The following CLVS1 variants were observed in gnomAD, a reference collection of about 807,000 sequenced individuals.
CLVS1 encodes the protein clavesin 1.
Under a neutral mutation model 33.1 loss-of-function variants are expected in CLVS1, and 10 were observed. That is an observed-to-expected ratio of 0.30 (90% CI 0.19 to 0.51). CLVS1 has a LOEUF of 0.51. Ranked by LOEUF, CLVS1 falls within the 20% of genes least tolerant of loss-of-function variation. The probability of loss-of-function intolerance (pLI) is 0.97; values close to 1 mark genes in which losing one functional copy is unlikely to be tolerated. For synonymous variants in CLVS1, 163 were observed against 166.1 expected, an observed-to-expected ratio of 0.98 and a Z score of 0.14; for missense variants, 343 against 433.4, an observed-to-expected ratio of 0.79 and a Z score of 1.85.
chr8:61,116,091 AT>A (rs1327524973), intron 1 of CLVS1, among the ~76,000 whole-genome samples: 1 of 151,412 alleles, frequency 6.6e-6, no homozygotes, highest in Non-Finnish European at 1.5e-5. Context: ...ATGGTATCTC[AT>A]TGTGGTTTTG....
chr8:61,398,448 C>T (rs547512362), intron 3 of CLVS1, among the ~76,000 whole-genome samples: 11 of 152,246 alleles, frequency 7.2e-5, no homozygotes, highest in African/African-American at 2.4e-4. Flanking sequence ...TCCCAAAGTG[C>T]TGGGATTGCA....
intron 3 of CLVS1, among the ~76,000 whole-genome samples, chr8:61,423,442 G>A (rs928990124): frequency 3.9e-5 from 6 of 152,262 alleles, no homozygotes; most frequent in African/African-American, 9.6e-5. Context: ...AGGACAGGCC[G>A]AGCATAGAAA....
rs551382402 is a variant in CLVS1, at chr8:61,318,137, C to T, written c.455+17855C>T. 6.6e-5 allele frequency among the ~76,000 whole-genome samples: 10 copies of T among 152,288 alleles called. No homozygotes were observed. The South Asian group carries it at 2.1e-3, about 32-fold the overall frequency. ...AAATTAAAATTATTTTCCTTGAACT[C>T]TCTGAAGATGTTAATTAATTGCATT... On this transcript the variant is annotated intron_variant, in intron 2 of 5. Transcript: ENST00000325897.
chr8:61,159,314 C>A (rs1322028411), intron 2 of CLVS1, among the ~76,000 whole-genome samples: 2 of 152,184 alleles, frequency 1.3e-5, no homozygotes, highest in Non-Finnish European at 2.9e-5. Context: ...CTTAACCTAC[C>A]TCATCTGCCT....
chr8:61,287,417 T>C (rs1809809499), upstream of CLVS1, among the ~76,000 whole-genome samples: 1 of 152,226 alleles, frequency 6.6e-6, no homozygotes, highest in African/African-American at 2.4e-5. Context: ...AAAGTGGTAA[T>C]TTGTATTTAC....
At chr8:61,379,726 A>G (rs1177140946) in intron 3 of CLVS1, among the ~76,000 whole-genome samples, 2 of 152,202 alleles carry the variant, frequency 1.3e-5, no homozygotes, top group Non-Finnish European at 2.9e-5. Flanking sequence ...CTTTGGGTCC[A>G]CACCTGTTGG....
intron 2 of CLVS1, among the ~76,000 whole-genome samples, chr8:61,243,179 G>A (rs1036058790): frequency 1.6e-4 from 25 of 152,138 alleles, no homozygotes; most frequent in Non-Finnish European, 3.4e-4. Context: ...TGCCAGCAAT[G>A]GGTGGTTCAG....
intron 1 of CLVS1, among the ~76,000 whole-genome samples, chr8:61,118,678 G>A (rs1805794935): frequency 6.6e-6 from 1 of 151,748 alleles, no homozygotes; most frequent in Non-Finnish European, 1.5e-5. Context: ...GGAGTTGAGC[G>A]GTTTTGAGTG....
chr8:60,995,920 C>T, the CLVS1 span, among the ~76,000 whole-genome samples: 1 of 152,126 alleles, frequency 6.6e-6, no homozygotes, highest in Non-Finnish European at 1.5e-5. Flanking sequence ...GAACAAAAAA[C>T]CAAACACCGC....
chr8:61,190,810 C>G (rs1807455832), intron 2 of CLVS1, among the ~76,000 whole-genome samples: 1 of 152,104 alleles, frequency 6.6e-6, no homozygotes, highest in Non-Finnish European at 1.5e-5. Context: ...TACACTCTCC[C>G]AAGACTAAAC....
At chr8:61,242,135 A>G (rs1292241749) in intron 2 of CLVS1, among the ~76,000 whole-genome samples, 1 of 151,956 alleles carries the variant, frequency 6.6e-6, no homozygotes, top group African/African-American at 2.4e-5. Context: ...GGTTTTCTTC[A>G]AATATAATCT....
chr8:61,417,403 C>G (rs181857005), intron 3 of CLVS1, among the ~76,000 whole-genome samples: 1 of 151,848 alleles, frequency 6.6e-6, no homozygotes, highest in African/African-American at 2.4e-5. Context: ...AGAAATTGAA[C>G]CACGTAAAAG....
intron 2 of CLVS1, among the ~76,000 whole-genome samples, chr8:61,156,214 C>CA (rs56094016): frequency 0.7 from 39,590 of 56,220 alleles, 15,295 homozygotes; most frequent in Non-Finnish European, 0.82. Context: ...GATTCCATCT[C>CA]AAAAAAAAAA....
intron 3 of CLVS1, among the ~76,000 whole-genome samples, chr8:61,445,397 T>C (rs1585984295): frequency 6.6e-6 from 1 of 152,130 alleles, no homozygotes; most frequent in South Asian, 2.1e-4. Flanking sequence ...TGGTAATGAC[T>C]TCTCACTCTA....
chr8:60,989,983 G>A, the CLVS1 span, among the ~76,000 whole-genome samples: 4 of 151,812 alleles, frequency 2.6e-5, no homozygotes, highest in African/African-American at 9.7e-5. Context: ...AAATTAGCCT[G>A]GTGTGTTGGC....
intron 2 of CLVS1, among the ~76,000 whole-genome samples, chr8:61,199,087 AG>A (rs1417085137): frequency 3.0e-4 from 45 of 152,256 alleles, no homozygotes; most frequent in Admixed American, 2.6e-3. Flanking sequence ...GATACTCCGT[AG>A]TGGGATTGCT....
intron 1 of CLVS1, among the ~76,000 whole-genome samples, chr8:61,119,182 C>G (rs1269087546): frequency 2.6e-5 from 4 of 152,176 alleles, no homozygotes; most frequent in Admixed American, 1.3e-4. Context: ...TTATCAGAGA[C>G]TAGGATGGCA....
intron 1 of CLVS1, among the ~76,000 whole-genome samples, chr8:61,080,969 A>G (rs1396442247): frequency 1.3e-5 from 2 of 152,230 alleles, no homozygotes; most frequent in East Asian, 3.8e-4. Flanking sequence ...CGGAACTGAA[A>G]TGATAACACA....
intron 1 of CLVS1, among the ~76,000 whole-genome samples, chr8:61,098,754 C>G (rs554116092): frequency 1.2e-4 from 18 of 152,206 alleles, no homozygotes; most frequent in African/African-American, 4.3e-4. Context: ...ATATCCACCC[C>G]CAGTCTGCCT....
Sources: gnomAD v4.1 joint callset for allele counts (sites outside exome capture counted in the v4.1 genomes callset) on GRCh38, gnomAD v4.1.1 for gene constraint, MANE v1.5 for transcripts, NCBI Gene and HGNC (gene_info 2026-07-23, HGNC 2026-07-21) for gene names.